Variants in CTNNA3 observed in about 807,000 individuals in gnomAD.
The protein encoded by CTNNA3 is catenin alpha 3.
In CTNNA3, 76 loss-of-function variants were observed where a neutral mutation model predicts 95.7. That is an observed-to-expected ratio of 0.79 (90% CI 0.66 to 0.96). The LOEUF is 0.96. Among genes scored for constraint, CTNNA3 ranks in the 40% least tolerant of loss-of-function variants. The pLI is 0.00. For missense variants in CTNNA3, 1,191 were observed against 1,089.8 expected, an observed-to-expected ratio of 1.09 and a Z score of -1.31; for synonymous variants, 431 against 374.4, an observed-to-expected ratio of 1.15 and a Z score of -1.74.
intron 7 of CTNNA3, among the ~76,000 whole-genome samples, chr10:67,068,485 TAAC>T (rs758259023): frequency 1.3e-5 from 2 of 152,144 alleles, no homozygotes; most frequent in African/African-American, 4.8e-5. Context: ...ATTTGAAACT[TAAC>T]AACAGGTGAA....
intron 7 of CTNNA3, among the ~76,000 whole-genome samples, chr10:66,911,799 C>T (rs1589413683): frequency 6.6e-6 from 1 of 152,146 alleles, no homozygotes; most frequent in Non-Finnish European, 1.5e-5. Context: ...ACTTGCAAAG[C>T]TTGTAAGCCA....
intron 1 of CTNNA3, among the ~76,000 whole-genome samples, chr10:67,668,924 C>T (rs1191669112): frequency 1.3e-5 from 2 of 150,120 alleles, no homozygotes; most frequent in African/African-American, 4.9e-5. Context: ...CTGCAACCTC[C>T]GCCTCCCCGG....
intron 3 of CTNNA3, among the ~76,000 whole-genome samples, chr10:67,545,016 G>C (rs1840797316): frequency 6.6e-6 from 1 of 151,964 alleles, no homozygotes; most frequent in East Asian, 1.9e-4. Context: ...AAATAAGCTG[G>C]GAAATACTTT....
intron 10 of CTNNA3, among the ~76,000 whole-genome samples, chr10:66,577,101 C>T (rs4360589): frequency 0.3 from 44,634 of 150,624 alleles, 7,014 homozygotes; most frequent in Middle Eastern, 0.43. Context: ...CATTTTTTCA[C>T]GTATTTGTTG....
chr10:66,966,945 G>GA (rs1485284248), intron 7 of CTNNA3, among the ~76,000 whole-genome samples: 13 of 151,970 alleles, frequency 8.6e-5, no homozygotes, highest in Admixed American at 8.5e-4. Context: ...AATTAGAAGA[G>GA]AAATTTTTTG....
Position 67,433,991 on chromosome 10 carries a change from A to G in CTNNA3, c.579+87851T>C, listed in dbSNP as rs139021677. Among the ~76,000 whole-genome samples, 390 of 152,118 alleles carry G rather than the reference A, an allele frequency of 2.6e-3. 1 individual carries two copies. Among genetic ancestry groups the G allele is most frequent in the Middle Eastern group, 0.01 (3 of 294 alleles). On this transcript the variant is annotated intron_variant, in intron 5 of 17. Coordinates refer to ENST00000433211, the MANE Select transcript of CTNNA3 (RefSeq NM_013266.4). The stretch of plus-strand genomic sequence containing the variant: ...ACCCTTTCTCACCTCTGAGATTTCT[A>G]TCTAGCCTGGGTACAATCTCCTCAA...
rs1361719309 is a variant in CTNNA3, at chr10:66,886,023, GTTGCAATA to G, written c.1048-110507_1048-110500del. Among the ~76,000 whole-genome samples the G allele has an allele frequency of 9.2e-5, 14 of 152,130 alleles. No individual in the cohort carries two copies. The East Asian group carries it at 2.7e-3, about 29-fold the overall frequency. ...AGGACTTCCCAAAATGGTTCCCTTT[GTTGCAATA>G]TTTTCCTTACTGCCGCCATAACCTC... is the stretch of plus-strand genomic sequence containing the variant. On this transcript the variant is annotated intron_variant, in intron 7 of 17. Transcript: ENST00000433211.
At chr10:67,085,563 G>A (rs1857259812) in intron 7 of CTNNA3, among the ~76,000 whole-genome samples, 1 of 151,840 alleles carries the variant, frequency 6.6e-6, no homozygotes, top group Admixed American at 6.6e-5. Context: ...ATATCAACAA[G>A]AAGTATTTTA....
intron 10 of CTNNA3, among the ~76,000 whole-genome samples, chr10:66,556,985 T>C (rs1842410953): frequency 6.6e-6 from 1 of 152,048 alleles, no homozygotes. Context: ...ACCTTAAATA[T>C]ATACAATTTT....
chr10:67,456,575 A>G (rs1336928633), intron 5 of CTNNA3, among the ~76,000 whole-genome samples: 1 of 152,172 alleles, frequency 6.6e-6, no homozygotes, highest in African/African-American at 2.4e-5. Flanking sequence ...CTCAAGAGAC[A>G]GGGTCAAAAC....
intron 1 of CTNNA3, among the ~76,000 whole-genome samples, chr10:67,671,614 G>T (rs1840435344): frequency 6.6e-6 from 1 of 151,196 alleles, no homozygotes; most frequent in South Asian, 2.1e-4. Flanking sequence ...GCGGTGTTTG[G>T]TTTTTTGTCC....
chr10:66,950,490 G>A (rs1272595224), intron 7 of CTNNA3, among the ~76,000 whole-genome samples: 1 of 151,992 alleles, frequency 6.6e-6, no homozygotes, highest in Non-Finnish European at 1.5e-5. Flanking sequence ...TGAGACTCTA[G>A]TATATTAAAC....
chr10:67,052,796 CTTTTT>C (rs1310956316), intron 7 of CTNNA3: 3 of 151,888 alleles, frequency 2.0e-5, no homozygotes, highest in Non-Finnish European at 4.4e-5. Flanking sequence ...AATCCTTTCT[CTTTTT>C]TTTAAGTTTT....
chr10:67,529,684 T>G (rs1169724646), intron 4 of CTNNA3, among the ~76,000 whole-genome samples: 1 of 151,472 alleles, frequency 6.6e-6, no homozygotes, highest in African/African-American at 2.4e-5. Flanking sequence ...AAATAAAATT[T>G]AAAAAATATA....
At chr10:66,665,264 T>A (rs1846410840) in intron 9 of CTNNA3, among the ~76,000 whole-genome samples, 1 of 152,276 alleles carries the variant, frequency 6.6e-6, no homozygotes, top group Admixed American at 6.5e-5. Flanking sequence ...AAAATTGGAC[T>A]AAAATGGGTG....
intron 6 of CTNNA3, among the ~76,000 whole-genome samples, chr10:67,198,573 G>A (rs1196338866): frequency 6.6e-6 from 1 of 152,074 alleles, no homozygotes; most frequent in Non-Finnish European, 1.5e-5. Flanking sequence ...ACAATCAAAG[G>A]CAACATTCAT....
At chr10:66,537,062 A>C (rs1297631166) in intron 10 of CTNNA3, among the ~76,000 whole-genome samples, 1 of 151,738 alleles carries the variant, frequency 6.6e-6, no homozygotes, top group Non-Finnish European at 1.5e-5. Context: ...AAAAAAAAAA[A>C]GACTTACATA....
At chr10:66,070,452 G>A (rs962046499) in intron 14 of CTNNA3, among the ~76,000 whole-genome samples, 1 of 152,112 alleles carries the variant, frequency 6.6e-6, no homozygotes, top group African/African-American at 2.4e-5. Flanking sequence ...CATAAAAGGT[G>A]TTTAAATGTT....
At chr10:67,410,264 C>T (rs1339175935) in intron 5 of CTNNA3, among the ~76,000 whole-genome samples, 1 of 151,998 alleles carries the variant, frequency 6.6e-6, no homozygotes, top group Non-Finnish European at 1.5e-5. Flanking sequence ...AACTGAAAAC[C>T]AAACACCAAG....
Sources: gnomAD v4.1 joint callset for allele counts (sites outside exome capture counted in the v4.1 genomes callset) on GRCh38, gnomAD v4.1.1 for gene constraint, MANE v1.5 for transcripts, NCBI Gene and HGNC (gene_info 2026-07-23, HGNC 2026-07-21) for gene names.